Variants in TRABD2B observed in about 807,000 individuals in gnomAD.
TRABD2B encodes metalloprotease TIKI2.
In TRABD2B, 14 loss-of-function variants were observed where a neutral mutation model predicts 40.1. The observed-to-expected ratio is 0.35, with a 90% CI of 0.23 to 0.55. The LOEUF is 0.55. Among genes scored for constraint, TRABD2B ranks in the 20% least tolerant of loss-of-function variants. TRABD2B has a pLI of 0.90. For synonymous variants in TRABD2B, 263 were observed against 277.0 expected (o/e 0.95, Z 0.50); for missense variants, 541 against 648.6 (o/e 0.83, Z 1.80).
At chr1:47,946,660 A>G (rs547540877) in intron 2 of TRABD2B, among the ~76,000 whole-genome samples, 1 of 152,318 alleles carries the variant, frequency 6.6e-6, no homozygotes, top group African/African-American at 2.4e-5. Context: ...GAGTTTTTGC[A>G]TCAATTTAAT....
chr1:47,911,716 G>A (rs368077436), intron 2 of TRABD2B, among the ~76,000 whole-genome samples: 108 of 152,294 alleles, frequency 7.1e-4, no homozygotes, highest in African/African-American at 2.4e-3. Flanking sequence ...CTATCCCTGT[G>A]TTGTCTCTAT....
chr1:47,950,114 T>A (rs1487340497), intron 2 of TRABD2B, among the ~76,000 whole-genome samples: 1 of 151,948 alleles, frequency 6.6e-6, no homozygotes, highest in Non-Finnish European at 1.5e-5. Flanking sequence ...TGAAACCCCA[T>A]CTCTACTAAA....
intron 2 of TRABD2B, among the ~76,000 whole-genome samples, chr1:47,923,904 A>T (rs1269447081): frequency 1.2e-5 from 1 of 83,832 alleles, no homozygotes; most frequent in Non-Finnish European, 2.3e-5. Context: ...CTCTCTACAC[A>T]CATACACACA....
rs1175499155 is a variant in TRABD2B, at chr1:47,847,079, C to T, written c.667-45460G>A. On this transcript the variant is annotated intron_variant, in intron 2 of 6. Transcript: ENST00000606738. ...GGAGCATCTGGAGAGGAGGTGTTGG[C>T]CTTGGGAAAGGAGAAAGAATAAGGG... 8.5e-5 allele frequency among the ~76,000 whole-genome samples: 13 copies of T among 152,248 alleles called. No individual in the cohort carries two copies. In the East Asian group the frequency reaches 2.1e-3, roughly 25 times the overall value.
At chr1:47,834,845 T>G (rs1645297813) in intron 2 of TRABD2B, among the ~76,000 whole-genome samples, 1 of 152,146 alleles carries the variant, frequency 6.6e-6, no homozygotes, top group Non-Finnish European at 1.5e-5. Context: ...CTTTTAAGTG[T>G]CAAATTTTCA....
At chr1:47,924,138 G>C (rs1159000299) in intron 2 of TRABD2B, among the ~76,000 whole-genome samples, 1 of 152,052 alleles carries the variant, frequency 6.6e-6, no homozygotes, top group Admixed American at 6.5e-5. Context: ...CTCTGCCACG[G>C]AATACGTGGG....
intron 4 of TRABD2B, among the ~76,000 whole-genome samples, chr1:47,788,137 C>T (rs1455915666): frequency 2.0e-5 from 3 of 152,132 alleles, no homozygotes; most frequent in Admixed American, 6.5e-5. Context: ...CTGTTTCCCT[C>T]CAAGAGGAAT....
At chr1:47,912,114 A>G (rs1644771071) in intron 2 of TRABD2B, among the ~76,000 whole-genome samples, 1 of 152,250 alleles carries the variant, frequency 6.6e-6, no homozygotes, top group African/African-American at 2.4e-5. Context: ...ATCAGAGGCC[A>G]GAGGTCAAAT....
At chr1:47,875,964 T>C (rs1644220105) in intron 2 of TRABD2B, among the ~76,000 whole-genome samples, 1 of 152,204 alleles carries the variant, frequency 6.6e-6, no homozygotes, top group Non-Finnish European at 1.5e-5. Context: ...CAGCACATGA[T>C]GTATATTTAC....
rs897393017 is a variant in TRABD2B, at chr1:47,762,238, T to G, written c.*3664A>C. 2 of 152,072 alleles carry G rather than the reference T, an allele frequency of 1.3e-5. No homozygotes were observed. The highest frequency in any genetic ancestry group is 4.8e-5 in the African/African-American group (2 of 41,380). The allele number at this position is 152,072 out of a possible 1,614,324, so 9.4% of individuals were successfully genotyped here. A position where few individuals can be genotyped will look rare whatever the true frequency, so the allele number is the denominator to read the frequency against. On this transcript the variant is annotated 3_prime_UTR_variant, in exon 7 of 7. Transcript: ENST00000606738. ...CTGGCCAGGCACAGGGTAAGAGACATGAGAGACGTGGCTGGTCAGCAGGGT... is the reference window on the plus strand; with the variant it reads ...CTGGCCAGGCACAGGGTAAGAGACAGGAGAGACGTGGCTGGTCAGCAGGGT...
At chr1:47,982,175 C>T (rs1472153979) in intron 2 of TRABD2B, among the ~76,000 whole-genome samples, 1 of 152,172 alleles carries the variant, frequency 6.6e-6, no homozygotes, top group African/African-American at 2.4e-5. Flanking sequence ...ACAACCCATC[C>T]CTGCACTGGA....
intron 2 of TRABD2B, among the ~76,000 whole-genome samples, chr1:47,899,965 A>T (rs555824258): frequency 6.6e-6 from 1 of 152,328 alleles, no homozygotes; most frequent in South Asian, 2.1e-4. Flanking sequence ...GAATAAAGGC[A>T]GGTATGCAAA....
intron 2 of TRABD2B, among the ~76,000 whole-genome samples, chr1:47,888,521 T>C (rs1364544791): frequency 6.6e-6 from 1 of 152,212 alleles, no homozygotes; most frequent in Non-Finnish European, 1.5e-5. Flanking sequence ...CTGCCATCGC[T>C]ACCTCCTGTC....
At chr1:47,776,329 G>T (rs1210742596) in intron 5 of TRABD2B, among the ~76,000 whole-genome samples, 4 of 152,106 alleles carry the variant, frequency 2.6e-5, no homozygotes, top group African/African-American at 9.7e-5. Context: ...GTGATGAAGG[G>T]CAAGTTACTT....
chr1:47,996,094 T>G lies in TRABD2B; in HGVS notation c.102+594A>C, dbSNP rs544531280. Among the ~76,000 whole-genome samples, 1 of 152,292 alleles carries G rather than the reference T, an allele frequency of 6.6e-6. No individual in the cohort carries two copies. Among genetic ancestry groups the G allele is most frequent in the Admixed American group, 6.5e-5 (1 of 15,306 alleles). On this transcript the variant is annotated intron_variant, in intron 1 of 6. Coordinates refer to ENST00000606738, the MANE Select transcript of TRABD2B (RefSeq NM_001194986.2). The surrounding 1 kb of genome is among the most constrained non-coding windows in gnomAD (Gnocchi z 4.6). The stretch of plus-strand genomic sequence containing the variant: ...GGCCAGTATGTCCTGGCATTGCCTT[T>G]TCCTCTCCTCTGAAATCTTCCCTCT...
intron 2 of TRABD2B, among the ~76,000 whole-genome samples, chr1:47,882,332 A>T (rs6675804): frequency 0.75 from 114,286 of 152,044 alleles, 43,362 homozygotes; most frequent in East Asian, 0.98. Context: ...CCACTGCATC[A>T]CCCCCAGGAT....
intron 2 of TRABD2B, among the ~76,000 whole-genome samples, chr1:47,978,538 G>A (rs1645793637): frequency 6.6e-6 from 1 of 152,128 alleles, no homozygotes; most frequent in Non-Finnish European, 1.5e-5. Context: ...CCGAATGACT[G>A]GCTGGCATTC....
At chr1:47,905,867 T>G (rs1557648492) in intron 2 of TRABD2B, among the ~76,000 whole-genome samples, 1 of 152,174 alleles carries the variant, frequency 6.6e-6, no homozygotes, top group Admixed American at 6.5e-5. Flanking sequence ...AGGCAAGGTT[T>G]TAATTCTGGG....
chr1:47,922,673 C>T (rs912956522), intron 2 of TRABD2B, among the ~76,000 whole-genome samples: 2 of 152,182 alleles, frequency 1.3e-5, no homozygotes, highest in East Asian at 1.9e-4. Flanking sequence ...CTCCCAGATC[C>T]GATCACACAC....
Sources: gnomAD v4.1 joint callset for allele counts (sites outside exome capture counted in the v4.1 genomes callset) on GRCh38, gnomAD v4.1.1 for gene constraint, Gnocchi (gnomAD v3.1) non-coding constraint, MANE v1.5 for transcripts, NCBI Gene and HGNC (gene_info 2026-07-23, HGNC 2026-07-21) for gene names.